The following TNFSF4 variants were observed in gnomAD, a reference collection of about 807,000 sequenced individuals.
TNFSF4 encodes the protein TNF superfamily member 4, also known as tumor necrosis factor ligand superfamily member 4.
A neutral mutation model predicts 7.3 loss-of-function variants in TNFSF4; 4 were observed. The observed-to-expected ratio is 0.55, with a 90% CI of 0.27 to 1.25. The LOEUF (loss-of-function observed/expected upper bound fraction) is 1.25. TNFSF4 is among the 50% of genes most tolerant of loss of function. The probability of loss-of-function intolerance (pLI) is 0.12; values close to 1 mark genes in which losing one functional copy is unlikely to be tolerated. For synonymous variants in TNFSF4, 76 were observed against 83.7 expected (o/e 0.91, Z 0.50); for missense variants, 181 against 208.8 (o/e 0.87, Z 0.82).
chr1:173,300,828 T>C, the TNFSF4 span, among the ~76,000 whole-genome samples: 1 of 152,024 alleles, frequency 6.6e-6, no homozygotes, highest in East Asian at 1.9e-4. Flanking sequence ...GGAGCATATC[T>C]GACTTTAAAT....
chr1:173,372,668 C>T, the TNFSF4 span, among the ~76,000 whole-genome samples: 1 of 152,178 alleles, frequency 6.6e-6, no homozygotes. Flanking sequence ...ATGTAAATGG[C>T]ATACTAGGTG....
chr1:173,229,948 C>A, the TNFSF4 span, among the ~76,000 whole-genome samples: 2 of 151,922 alleles, frequency 1.3e-5, no homozygotes, highest in East Asian at 3.8e-4. Flanking sequence ...CCTTAGAGAC[C>A]TACAAAGAGA....
chr1:173,248,547 T>A, the TNFSF4 span, among the ~76,000 whole-genome samples: 1 of 149,520 alleles, frequency 6.7e-6, no homozygotes, highest in Non-Finnish European at 1.5e-5. Context: ...GAAAAGAAAA[T>A]TTCACGAAAG....
the TNFSF4 span, among the ~76,000 whole-genome samples, chr1:173,273,335 T>C: frequency 1.3e-5 from 2 of 152,158 alleles, no homozygotes; most frequent in Non-Finnish European, 2.9e-5. Flanking sequence ...ACGGACTTTC[T>C]TCAAACTGAT....
the TNFSF4 span, among the ~76,000 whole-genome samples, chr1:173,292,528 A>G: frequency 6.6e-6 from 1 of 152,112 alleles, no homozygotes; most frequent in Admixed American, 6.6e-5. Context: ...CCAACATTAC[A>G]CTAAATGGGC....
the TNFSF4 span, among the ~76,000 whole-genome samples, chr1:173,313,911 T>C: frequency 6.6e-6 from 1 of 152,100 alleles, no homozygotes; most frequent in Non-Finnish European, 1.5e-5. Context: ...AGGGACATTT[T>C]GAATATGTCA....
chr1:173,291,727 TA>T, the TNFSF4 span, among the ~76,000 whole-genome samples: 59 of 151,742 alleles, frequency 3.9e-4, no homozygotes, highest in African/African-American at 1.4e-3. Flanking sequence ...TTTGAAAGAA[TA>T]AGCAAGATTA....
At chr1:173,367,661 C>T in the TNFSF4 span, among the ~76,000 whole-genome samples, 3 of 152,188 alleles carry the variant, frequency 2.0e-5, no homozygotes, top group Non-Finnish European at 2.9e-5. Flanking sequence ...CTCTAAGGAG[C>T]TCATGCCATG....
At chr1:173,316,465 T>A in the TNFSF4 span, among the ~76,000 whole-genome samples, 1 of 152,088 alleles carries the variant, frequency 6.6e-6, no homozygotes, top group Non-Finnish European at 1.5e-5. Flanking sequence ...AACAAAGACT[T>A]TTTCCAAGTA....
At chr1:173,203,706 T>G (rs1305958292) in intron 1 of TNFSF4, among the ~76,000 whole-genome samples, 1 of 152,056 alleles carries the variant, frequency 6.6e-6, no homozygotes, top group Non-Finnish European at 1.5e-5. Flanking sequence ...TGATAAGAAC[T>G]GAAAAAAAGT....
At chr1:173,335,437 G>T in the TNFSF4 span, among the ~76,000 whole-genome samples, 1 of 152,112 alleles carries the variant, frequency 6.6e-6, no homozygotes, top group Non-Finnish European at 1.5e-5. Context: ...ACTGGATTAG[G>T]ATACCTAAAT....
the TNFSF4 span, among the ~76,000 whole-genome samples, chr1:173,215,691 A>G: frequency 1.3e-5 from 2 of 152,178 alleles, no homozygotes; most frequent in East Asian, 3.8e-4. Flanking sequence ...ACATCTCTTA[A>G]AGCTTTCTTC....
At chr1:173,329,240 T>C in the TNFSF4 span, among the ~76,000 whole-genome samples, 7 of 152,178 alleles carry the variant, frequency 4.6e-5, no homozygotes, top group African/African-American at 1.2e-4. Context: ...GTCCTTTATA[T>C]AAAATGACAT....
chr1:173,251,969 A>G, the TNFSF4 span, among the ~76,000 whole-genome samples: 1 of 152,204 alleles, frequency 6.6e-6, no homozygotes, highest in Non-Finnish European at 1.5e-5. Flanking sequence ...GAGAATTATG[A>G]TTGGAAAATA....
the TNFSF4 span, among the ~76,000 whole-genome samples, chr1:173,267,160 T>TA: frequency 6.6e-6 from 1 of 152,120 alleles, no homozygotes; most frequent in African/African-American, 2.4e-5. Flanking sequence ...TATTCTCCTT[T>TA]AAAAAATAAG....
At chr1:173,403,391 G>A in the TNFSF4 span, among the ~76,000 whole-genome samples, 1 of 152,176 alleles carries the variant, frequency 6.6e-6, no homozygotes, top group Non-Finnish European at 1.5e-5. Context: ...CAGGAGCTTT[G>A]CAACATAAAG....
the TNFSF4 span, among the ~76,000 whole-genome samples, chr1:173,227,436 TA>T: frequency 2.6e-5 from 4 of 152,204 alleles, no homozygotes; most frequent in Non-Finnish European, 5.9e-5. Flanking sequence ...ATTATCACGG[TA>T]GGGGCGGTTC....
chr1:173,444,767 C>CA, the TNFSF4 span, among the ~76,000 whole-genome samples: 1 of 152,004 alleles, frequency 6.6e-6, no homozygotes, highest in Non-Finnish European at 1.5e-5. Flanking sequence ...AAGAATGAAT[C>CA]AGAGGCTAAA....
chr1:173,226,064 A>C, the TNFSF4 span, among the ~76,000 whole-genome samples: 1 of 152,234 alleles, frequency 6.6e-6, no homozygotes, highest in Non-Finnish European at 1.5e-5. Context: ...TAAGTTAAAG[A>C]ATGAATCAGG....
Sources: allele counts gnomAD v4.1 joint callset (sites outside exome capture counted in the v4.1 genomes callset), GRCh38; gene constraint gnomAD v4.1.1; transcripts MANE v1.5; gene names NCBI Gene and HGNC (gene_info 2026-07-23, HGNC 2026-07-21).